The following NLGN1 variants were observed in gnomAD, a reference collection of about 807,000 sequenced individuals.
NLGN1 encodes neuroligin 1.
NLGN1 carries 12 observed loss-of-function variants against 65.5 expected under a neutral mutation model. The ratio of observed to expected loss-of-function variants is 0.18; its 90% CI spans 0.12 to 0.30. The LOEUF is 0.30. NLGN1 is among the 10% of genes least tolerant of loss of function. The pLI is 1.00. For synonymous variants in NLGN1, 350 were observed against 359.5 expected, an observed-to-expected ratio of 0.97 and a Z score of 0.30; for missense variants, 750 against 1,007.1, an observed-to-expected ratio of 0.74 and a Z score of 3.46.
chr3:173,398,889 CATTA>C (rs1717124354), intron 1 of NLGN1, among the ~76,000 whole-genome samples: 3 of 152,102 alleles, frequency 2.0e-5, no homozygotes, highest in South Asian at 2.1e-4. Flanking sequence ...CATTTCTCAC[CATTA>C]ATTGTGCTCA....
intron 3 of NLGN1, among the ~76,000 whole-genome samples, chr3:173,669,111 G>A (rs956598498): frequency 3.9e-5 from 6 of 152,042 alleles, no homozygotes; most frequent in East Asian, 1.9e-4. Flanking sequence ...AGTCATTGCC[G>A]GGTTTTAATC....
At chr3:173,414,556 A>C (rs1255648107) in intron 1 of NLGN1, among the ~76,000 whole-genome samples, 9 of 151,410 alleles carry the variant, frequency 5.9e-5, no homozygotes, top group Admixed American at 1.3e-4. Flanking sequence ...CTAGAACTAC[A>C]TTATATGATA....
intron 1 of NLGN1, among the ~76,000 whole-genome samples, chr3:173,416,650 A>G (rs1018809203): frequency 6.6e-6 from 1 of 152,162 alleles, no homozygotes; most frequent in Non-Finnish European, 1.5e-5. Context: ...CTACAAAACA[A>G]TGTGTTAATT....
chr3:173,506,242 G>A (rs1178683020), intron 2 of NLGN1, among the ~76,000 whole-genome samples: 2 of 151,998 alleles, frequency 1.3e-5, no homozygotes, highest in Non-Finnish European at 2.9e-5. Flanking sequence ...TACTAAAGGT[G>A]AGGGTTGCCA....
chr3:173,832,849 G>T (rs1722879153), intron 4 of NLGN1, among the ~76,000 whole-genome samples: 1 of 151,938 alleles, frequency 6.6e-6, no homozygotes, highest in Admixed American at 6.6e-5. Flanking sequence ...ATTATTGTTT[G>T]CTTGTTTATT....
intron 4 of NLGN1, among the ~76,000 whole-genome samples, chr3:174,206,511 G>A (rs1238286540): frequency 6.6e-6 from 1 of 152,062 alleles, no homozygotes; most frequent in East Asian, 1.9e-4. Context: ...TGTCCACCAA[G>A]GCCCCCAGCC....
intron 2 of NLGN1, among the ~76,000 whole-genome samples, chr3:173,581,718 C>A (rs1295074041): frequency 2.0e-5 from 3 of 151,536 alleles, no homozygotes; most frequent in Non-Finnish European, 4.4e-5. Context: ...ATAAAAAGCA[C>A]ATTATGAAAT....
chr3:173,807,205 A>G (rs1716854591), intron 3 of NLGN1, among the ~76,000 whole-genome samples: 1 of 152,194 alleles, frequency 6.6e-6, no homozygotes, highest in Admixed American at 6.5e-5. Flanking sequence ...TGATGTAATC[A>G]TGTTGCATTT....
In NLGN1 at chr3:173,440,463, G is replaced by A. The variant is rs575230626; in HGVS notation, c.-321+5385G>A. Among the ~76,000 whole-genome samples, 147 of 152,236 alleles carry A rather than the reference G, an allele frequency of 9.7e-4. 2 individuals are homozygous for A. Among genetic ancestry groups the A allele is most frequent in the African/African-American group, 3.3e-3 (137 of 41,556 alleles). On this transcript the variant is annotated intron_variant, in intron 2 of 6. Transcript: ENST00000457714. ...GAAATCACTATCTATGGCAGTGGTA[G>A]CCTTACAGTGTATTTCTTAAATAAT...
chr3:174,231,214 T>G (rs1373763491), intron 4 of NLGN1, among the ~76,000 whole-genome samples: 1 of 152,174 alleles, frequency 6.6e-6, no homozygotes, highest in East Asian at 1.9e-4. Context: ...CGAATTAAAT[T>G]TAAGAAGTTA....
At chr3:174,281,227 C>A (rs1450055385) in exon 7 of NLGN1, 2 of 1,613,170 alleles carry the variant, frequency 1.2e-6, no homozygotes, top group South Asian at 2.2e-5. Context: ...ACATTCAATA[C>A]ATTTACTGGA....
intron 2 of NLGN1, among the ~76,000 whole-genome samples, chr3:173,509,130 C>A (rs1732513561): frequency 6.6e-6 from 1 of 152,074 alleles, no homozygotes; most frequent in African/African-American, 2.4e-5. Flanking sequence ...TAAATAGTAT[C>A]TTATTGTTAT....
chr3:173,545,179 A>G (rs1480597368), intron 2 of NLGN1, among the ~76,000 whole-genome samples: 3 of 152,074 alleles, frequency 2.0e-5, no homozygotes, highest in Non-Finnish European at 2.9e-5. Context: ...GATTCAAGTG[A>G]TTCTCCTGCC....
At chr3:173,532,867 C>T (rs1246338947) in intron 2 of NLGN1, among the ~76,000 whole-genome samples, 2 of 152,134 alleles carry the variant, frequency 1.3e-5, no homozygotes, top group African/African-American at 4.8e-5. Context: ...AAGTTCTGCT[C>T]GATATCTCCT....
intron 4 of NLGN1, among the ~76,000 whole-genome samples, chr3:173,916,503 G>A (rs1304732618): frequency 1.3e-5 from 2 of 152,084 alleles, no homozygotes; most frequent in Non-Finnish European, 2.9e-5. Flanking sequence ...TTAGATACAG[G>A]TAAAAGTTCT....
At chr3:173,431,454 A>G (rs1047063568) in intron 1 of NLGN1, among the ~76,000 whole-genome samples, 1 of 152,088 alleles carries the variant, frequency 6.6e-6, no homozygotes. Flanking sequence ...ATAACTTTTT[A>G]TTTGTATGAA....
chr3:173,463,930 A>G (rs1260950175), intron 2 of NLGN1, among the ~76,000 whole-genome samples: 2 of 151,990 alleles, frequency 1.3e-5, no homozygotes, highest in African/African-American at 4.8e-5. Flanking sequence ...AGATAAATTG[A>G]TACATAAATA....
intron 4 of NLGN1, among the ~76,000 whole-genome samples, chr3:174,096,464 G>A (rs929915821): frequency 1.3e-5 from 2 of 151,896 alleles, no homozygotes; most frequent in African/African-American, 4.8e-5. Context: ...TCATTTTATA[G>A]AGCATTAATT....
rs563390107 is a variant in NLGN1 at position 173,414,456 on chromosome 3, T to C, written c.-390+15969T>C. On this transcript the variant is annotated intron_variant, in intron 1 of 6. Transcript: ENST00000457714. Reference sequence around the variant, plus strand: ...TAAGTAAGGGGTCAGTGTGGTCCTTTCTTTGTAATCTGAGAATTACCGCTA... The same window carrying C: ...TAAGTAAGGGGTCAGTGTGGTCCTTCCTTTGTAATCTGAGAATTACCGCTA... Among the ~76,000 whole-genome samples, 17 of 152,222 alleles carry C rather than the reference T, an allele frequency of 1.1e-4. No individual in the cohort carries two copies. The South Asian group carries it at 3.5e-3, about 32-fold the overall frequency.
Sources: allele counts gnomAD v4.1 joint callset (sites outside exome capture counted in the v4.1 genomes callset), GRCh38; gene constraint gnomAD v4.1.1; transcripts MANE v1.5; gene names NCBI Gene and HGNC (gene_info 2026-07-23, HGNC 2026-07-21).